Variants in TAS2R1 observed in about 807,000 individuals in gnomAD.
The protein encoded by TAS2R1 is taste 2 receptor member 1.
For synonymous variants in TAS2R1, 141 were observed against 134.2 expected (o/e 1.05, Z -0.35); for missense variants, 370 against 353.4 (o/e 1.05, Z -0.38).
intron 1 of TAS2R1, among the ~76,000 whole-genome samples, chr5:9,702,738 A>T (rs1170414521): frequency 2.6e-5 from 4 of 152,162 alleles, no homozygotes; most frequent in Admixed American, 2.6e-4. Context: ...CAGAAGACAT[A>T]AGGGCAGAAG....
chr5:9,652,393 C>T (rs1740324570), intron 2 of TAS2R1, among the ~76,000 whole-genome samples: 2 of 152,158 alleles, frequency 1.3e-5, no homozygotes. Flanking sequence ...ATGGAACATG[C>T]CTAGAATCAA....
chr5:9,664,760 A>G (rs1213643523), intron 1 of TAS2R1, among the ~76,000 whole-genome samples: 1 of 152,240 alleles, frequency 6.6e-6, no homozygotes. Context: ...CCACAATTAA[A>G]GGTCTCACTG....
In TAS2R1 at chr5:9,675,120, A is replaced by C. The variant is rs916087873; in HGVS notation, c.-241-15539T>G. Among the ~76,000 whole-genome samples the C allele has an allele frequency of 3.3e-5, 5 of 149,298 alleles. No homozygotes were observed. The Admixed American group carries it at 3.3e-4, about 10-fold the overall frequency. ...AAAATGAAATCATATATATATATAT[A>C]TATCTAATATATATATGTAATTTAT... On this transcript the variant is annotated intron_variant, in intron 1 of 2. Transcript: ENST00000506620.
intron 1 of TAS2R1, among the ~76,000 whole-genome samples, chr5:9,687,157 G>A (rs951759840): frequency 1.3e-5 from 2 of 152,072 alleles, no homozygotes; most frequent in African/African-American, 4.8e-5. Flanking sequence ...TACAAAATTA[G>A]ACAGAGTTTC....
intron 2 of TAS2R1, among the ~76,000 whole-genome samples, chr5:9,642,294 A>C (rs967498800): frequency 6.6e-6 from 1 of 152,164 alleles, no homozygotes; most frequent in Non-Finnish European, 1.5e-5. Context: ...CTCACACTTC[A>C]TTATCAAGGG....
At chr5:9,672,931 T>C (rs931065119) in intron 1 of TAS2R1, among the ~76,000 whole-genome samples, 2 of 152,044 alleles carry the variant, frequency 1.3e-5, no homozygotes, top group African/African-American at 4.8e-5. Flanking sequence ...AAAGAAAAGG[T>C]AGTACATATA....
In TAS2R1 at chr5:9,682,207, G is replaced by A. The variant is rs147589823; in HGVS notation, c.-241-22626C>T. 2.6e-3 allele frequency among the ~76,000 whole-genome samples: 396 copies of A among 152,290 alleles called. 4 individuals carry two copies. Among genetic ancestry groups the A allele is most frequent in the African/African-American group, 8.8e-3 (366 of 41,558 alleles). On this transcript the variant is annotated intron_variant, in intron 1 of 2. Transcript: ENST00000506620. The stretch of plus-strand genomic sequence containing the variant: ...TGCCAAAATTTGTGAACAACTGAGA[G>A]ACAGTCAAGGGTCAGAAAGATGATG...
chr5:9,812,471 G>T, the TAS2R1 span, among the ~76,000 whole-genome samples: 1 of 152,074 alleles, frequency 6.6e-6, no homozygotes, highest in African/African-American at 2.4e-5. Flanking sequence ...GGTAAGGGGG[G>T]CCAGAGATAA....
At chr5:9,735,348 C>G in the TAS2R1 span, among the ~76,000 whole-genome samples, 8 of 151,296 alleles carry the variant, frequency 5.3e-5, no homozygotes, top group Non-Finnish European at 1.0e-4. Context: ...TAAGTAACAA[C>G]TGAAAAAAAT....
At chr5:9,713,983 A>AT (rs1363660972), upstream of TAS2R1, 2 of 152,170 alleles carry the variant, frequency 1.3e-5, no homozygotes, top group African/African-American at 2.4e-5. Flanking sequence ...TCATTATATA[A>AT]ATGTAATGGC....
the TAS2R1 span, among the ~76,000 whole-genome samples, chr5:9,741,188 G>C: frequency 1.3e-5 from 2 of 152,140 alleles, no homozygotes; most frequent in Non-Finnish European, 2.9e-5. Context: ...GGTGGGGCTA[G>C]AACACAATCA....
At chr5:9,788,383 C>T in the TAS2R1 span, among the ~76,000 whole-genome samples, 1 of 152,172 alleles carries the variant, frequency 6.6e-6, no homozygotes, top group Non-Finnish European at 1.5e-5. Context: ...CACGGATGGT[C>T]TCTATCCATT....
At chr5:9,735,777 G>C in the TAS2R1 span, among the ~76,000 whole-genome samples, 4 of 152,300 alleles carry the variant, frequency 2.6e-5, no homozygotes, top group South Asian at 4.1e-4. Flanking sequence ...ACTTTTTAAA[G>C]AATGCAAAGT....
the TAS2R1 span, among the ~76,000 whole-genome samples, chr5:9,874,413 T>C: frequency 6.6e-6 from 1 of 152,176 alleles, no homozygotes; most frequent in African/African-American, 2.4e-5. Context: ...TGGTTGTCTT[T>C]TGAAAAATGT....
At chr5:9,781,854 C>T in the TAS2R1 span, among the ~76,000 whole-genome samples, 3 of 152,302 alleles carry the variant, frequency 2.0e-5, no homozygotes, top group East Asian at 5.8e-4. Flanking sequence ...CCTGCCTATC[C>T]TCACCCTGCT....
the TAS2R1 span, chr5:9,870,042 C>T: frequency 2.0e-5 from 3 of 152,230 alleles, no homozygotes; most frequent in Non-Finnish European, 4.4e-5. Flanking sequence ...TGGTTGACCA[C>T]CCATCCTTCT....
chr5:9,832,919 T>A, the TAS2R1 span, among the ~76,000 whole-genome samples: 1 of 152,288 alleles, frequency 6.6e-6, no homozygotes, highest in Admixed American at 6.5e-5. Flanking sequence ...GTGGTCAGGG[T>A]ACAGCTTGCT....
chr5:9,796,648 T>C, the TAS2R1 span, among the ~76,000 whole-genome samples: 1 of 143,236 alleles, frequency 7.0e-6, no homozygotes, highest in Non-Finnish European at 1.5e-5. Flanking sequence ...AAGAGTGGCC[T>C]GAAAGTCCTT....
the TAS2R1 span, among the ~76,000 whole-genome samples, chr5:9,752,059 G>A: frequency 1.3e-5 from 2 of 152,196 alleles, no homozygotes; most frequent in African/African-American, 4.8e-5. Context: ...GGAAACAAAG[G>A]AGAAGGAAAA....
Sources: gnomAD v4.1 joint callset for allele counts (sites outside exome capture counted in the v4.1 genomes callset) on GRCh38, gnomAD v4.1.1 for gene constraint, MANE v1.5 for transcripts, NCBI Gene and HGNC (gene_info 2026-07-23, HGNC 2026-07-21) for gene names.